Variants in WDR27 observed in about 807,000 individuals in gnomAD.
WDR27 encodes the protein WD repeat-containing protein 27.
Under a neutral mutation model 114.4 loss-of-function variants are expected in WDR27, and 100 were observed. That is an observed-to-expected ratio of 0.87 (90% CI 0.74 to 1.03). The LOEUF (loss-of-function observed/expected upper bound fraction) is 1.03. Ranked by LOEUF, WDR27 falls within the 50% of genes least tolerant of loss-of-function variation. WDR27 has a pLI of 0.00. For synonymous variants in WDR27, 449 were observed against 423.1 expected, an observed-to-expected ratio of 1.06 and a Z score of -0.75; for missense variants, 1,129 against 1,092.9, an observed-to-expected ratio of 1.03 and a Z score of -0.47.
intron 25 of WDR27, among the ~76,000 whole-genome samples, chr6:169,535,399 T>C (rs1796093335): frequency 6.6e-6 from 1 of 152,204 alleles, no homozygotes; most frequent in South Asian, 2.1e-4. Flanking sequence ...TTCTTGGATC[T>C]GACAATCAAA....
At chr6:169,647,521 T>G (rs35741390) in intron 16 of WDR27, 29,907 of 573,756 alleles carry the variant, frequency 0.052, 961 homozygotes, top group Non-Finnish European at 0.068. Context: ...AACAGCAAAT[T>G]CGCTGCTAGT....
chr6:169,632,335 C>T (rs1302020153), intron 21 of WDR27, among the ~76,000 whole-genome samples: 1 of 152,166 alleles, frequency 6.6e-6, no homozygotes, highest in Admixed American at 6.5e-5. Flanking sequence ...GTTAAATCCT[C>T]AACTTGGAAA....
At chr6:169,627,267 T>C (rs770176261) in intron 21 of WDR27, among the ~76,000 whole-genome samples, 48 of 152,354 alleles carry the variant, frequency 3.2e-4, no homozygotes, top group African/African-American at 1.1e-3. Flanking sequence ...TATAAACATC[T>C]TTTTAAAAAC....
At chr6:169,654,762 G>A (rs915844530) in intron 13 of WDR27, among the ~76,000 whole-genome samples, 6 of 135,920 alleles carry the variant, frequency 4.4e-5, no homozygotes, top group East Asian at 2.0e-4. Flanking sequence ...GTTAGGCGGC[G>A]CGCACAGCAG....
chr6:169,447,193 C>T, the WDR27 span, among the ~76,000 whole-genome samples: 1 of 152,142 alleles, frequency 6.6e-6, no homozygotes, highest in Non-Finnish European at 1.5e-5. Context: ...GACTGGAAAA[C>T]CAAATTTAAC....
At chr6:169,521,327 C>G (rs1794349453) in intron 25 of WDR27, among the ~76,000 whole-genome samples, 1 of 152,042 alleles carries the variant, frequency 6.6e-6, no homozygotes, top group African/African-American at 2.4e-5. Context: ...GAGACAAGGT[C>G]TTTCCCAGAT....
intron 17 of WDR27, among the ~76,000 whole-genome samples, chr6:169,641,172 CA>C (rs1449986854): frequency 6.6e-6 from 1 of 152,236 alleles, no homozygotes; most frequent in Non-Finnish European, 1.5e-5. Context: ...ACGGACCTCC[CA>C]CTCCCAGGAT....
At chr6:169,462,512 G>GAAAGAAAGAAAGAAAGAAAGAA (rs1562446813) in intron 25 of WDR27, among the ~76,000 whole-genome samples, 1 of 151,920 alleles carries the variant, frequency 6.6e-6, no homozygotes, top group African/African-American at 2.4e-5. Flanking sequence ...AAGAAAGAAA[G>GAAAGAAAGAAAGAAAGAAAGAA]AGTAGATCCT....
chr6:169,662,236 C>CCTAATGTTCAT, intron 9 of WDR27, 68 bp downstream of exon 9: 1 of 1,558,662 alleles, frequency 6.4e-7, no homozygotes, highest in Non-Finnish European at 8.8e-7. Context: ...AGAAAATGAA[C>CCTAATGTTCAT]CTAATGTTCA....
chr6:169,663,184 T>C (rs1826816006), intron 8 of WDR27, among the ~76,000 whole-genome samples: 3 of 152,238 alleles, frequency 2.0e-5, no homozygotes, highest in South Asian at 2.1e-4. Flanking sequence ...AGATAATCAA[T>C]TGAAAGAACT....
chr6:169,586,855 A>AAAG (rs746097431), intron 23 of WDR27, among the ~76,000 whole-genome samples: 2 of 145,916 alleles, frequency 1.4e-5, no homozygotes, highest in Non-Finnish European at 3.0e-5. Flanking sequence ...CTCAAAAAAA[A>AAAG]AAAAAAAAAA....
chr6:169,502,074 C>G (rs542068007), intron 25 of WDR27, among the ~76,000 whole-genome samples: 1 of 152,232 alleles, frequency 6.6e-6, no homozygotes, highest in African/African-American at 2.4e-5. Flanking sequence ...CACCTCCCCC[C>G]AGGCTAGGGC....
the WDR27 span, among the ~76,000 whole-genome samples, chr6:169,434,167 C>G: frequency 5.9e-5 from 9 of 152,194 alleles, no homozygotes; most frequent in Non-Finnish European, 1.3e-4. Flanking sequence ...TTGTCCATGC[C>G]TATGTCCTCG....
At chr6:169,674,730 G>A (rs1200549937) in intron 2 of WDR27, among the ~76,000 whole-genome samples, 1 of 152,178 alleles carries the variant, frequency 6.6e-6, no homozygotes, top group Non-Finnish European at 1.5e-5. Flanking sequence ...AAGTTTGGAT[G>A]TCCCCTCTTT....
At chr6:169,674,253 C>T (rs931587606) in intron 2 of WDR27, among the ~76,000 whole-genome samples, 1 of 152,166 alleles carries the variant, frequency 6.6e-6, no homozygotes, top group African/African-American at 2.4e-5. Flanking sequence ...GCGATGCCTA[C>T]AAGTCATCCA....
the WDR27 span, among the ~76,000 whole-genome samples, chr6:169,445,291 A>T: frequency 6.6e-6 from 1 of 152,124 alleles, no homozygotes. Context: ...GACTACGGGG[A>T]GTCCTCTGTG....
intron 24 of WDR27, among the ~76,000 whole-genome samples, chr6:169,578,226 C>A (rs1478509001): frequency 6.6e-6 from 1 of 152,162 alleles, no homozygotes; most frequent in East Asian, 1.9e-4. Context: ...GGCGCCCACA[C>A]GGTGCGTTAG....
chr6:169,520,973 A>G (rs1345004537), intron 25 of WDR27, among the ~76,000 whole-genome samples: 1 of 152,198 alleles, frequency 6.6e-6, no homozygotes. Flanking sequence ...AAGCTTATTC[A>G]AAGACATATT....
chr6:169,475,911 T>TA (rs1787081223), intron 25 of WDR27, among the ~76,000 whole-genome samples: 1 of 152,248 alleles, frequency 6.6e-6, no homozygotes, highest in Admixed American at 6.5e-5. Flanking sequence ...TGGAATAACT[T>TA]TACTGAGTTC....
Sources: allele counts gnomAD v4.1 joint callset (sites outside exome capture counted in the v4.1 genomes callset), GRCh38; gene constraint gnomAD v4.1.1; transcripts MANE v1.5; gene names NCBI Gene and HGNC (gene_info 2026-07-23, HGNC 2026-07-21).